Variants in DOK5 observed in about 807,000 individuals in gnomAD.
The protein encoded by DOK5 is downstream of tyrosine kinase 5.
A neutral mutation model predicts 43.3 loss-of-function variants in DOK5; 27 were observed. The ratio of observed to expected loss-of-function variants is 0.62; its 90% CI spans 0.46 to 0.86. The LOEUF is 0.86. DOK5 is among the 40% of genes least tolerant of loss of function. The probability of loss-of-function intolerance (pLI) is 0.00; values close to 1 mark genes in which losing one functional copy is unlikely to be tolerated. For missense variants in DOK5, 373 were observed against 392.9 expected, an observed-to-expected ratio of 0.95 and a Z score of 0.43; for synonymous variants, 146 against 140.1, an observed-to-expected ratio of 1.04 and a Z score of -0.30.
chr20:54,517,390 T>C (rs1983232923), intron 1 of DOK5, among the ~76,000 whole-genome samples: 1 of 152,196 alleles, frequency 6.6e-6, no homozygotes, highest in African/African-American at 2.4e-5. Flanking sequence ...GATAAAATTG[T>C]AGCCTAACCA....
At chr20:54,628,856 A>G (rs1568819121) in intron 6 of DOK5, among the ~76,000 whole-genome samples, 1 of 152,226 alleles carries the variant, frequency 6.6e-6, no homozygotes, top group Non-Finnish European at 1.5e-5. Context: ...GACTTGGTAA[A>G]TAGATTACAC....
chr20:54,516,361 G>T (rs1472585961), intron 1 of DOK5, among the ~76,000 whole-genome samples: 1 of 152,208 alleles, frequency 6.6e-6, no homozygotes, highest in South Asian at 2.1e-4. Context: ...TGAAATGATT[G>T]CCTCTTAGCA....
At chr20:54,536,407 T>C (rs1983964795) in intron 1 of DOK5, among the ~76,000 whole-genome samples, 1 of 152,212 alleles carries the variant, frequency 6.6e-6, no homozygotes, top group Non-Finnish European at 1.5e-5. Context: ...TAAAAGTATT[T>C]ACAGGCTTCC....
chr20:54,611,650 A>G (rs1188676108), intron 6 of DOK5, among the ~76,000 whole-genome samples: 1 of 152,222 alleles, frequency 6.6e-6, no homozygotes, highest in Non-Finnish European at 1.5e-5. Context: ...AAATGAATGC[A>G]CAACACTTAA....
At chr20:54,606,453 T>C (rs1201823962) in intron 5 of DOK5, among the ~76,000 whole-genome samples, 1 of 152,230 alleles carries the variant, frequency 6.6e-6, no homozygotes, top group Non-Finnish European at 1.5e-5. Context: ...GCTATTCTGC[T>C]AAAGGGTAAA....
chr20:54,514,304 G>A lies in DOK5; in HGVS notation c.66+38292G>A, dbSNP rs527866745. On this transcript the variant is annotated intron_variant, in intron 1 of 7. Transcript: ENST00000262593. ...ATCCTCCCAGCACTATATGTACTAA[G>A]CGTGAGAATTTGCCTTTTCCACTTG... 4.9e-4 allele frequency among the ~76,000 whole-genome samples: 75 copies of A among 152,252 alleles called. 2 individuals carry two copies. The South Asian group carries it at 0.014, about 28-fold the overall frequency.
At chr20:54,553,896 CAAAAA>C (rs761243905) in intron 1 of DOK5, among the ~76,000 whole-genome samples, 4 of 80,162 alleles carry the variant, frequency 5.0e-5, no homozygotes, top group Non-Finnish European at 8.4e-5. Context: ...GACTCTGTCT[CAAAAA>C]AAAAAAAAAA....
chr20:54,563,199 T>C (rs1046076127), intron 2 of DOK5, among the ~76,000 whole-genome samples: 1 of 152,176 alleles, frequency 6.6e-6, no homozygotes, highest in African/African-American at 2.4e-5. Context: ...GGCTCTGGCC[T>C]CCAGAACTGT....
chr20:54,608,536 A>G (rs1274254835), intron 5 of DOK5, among the ~76,000 whole-genome samples: 1 of 152,174 alleles, frequency 6.6e-6, no homozygotes, highest in Non-Finnish European at 1.5e-5. Context: ...AATGCCTTGA[A>G]TTTCAGTTTC....
At chr20:54,515,811 G>C (rs1047439838) in intron 1 of DOK5, among the ~76,000 whole-genome samples, 13 of 152,220 alleles carry the variant, frequency 8.5e-5, no homozygotes, top group Admixed American at 8.5e-4. Flanking sequence ...GGAGATGCTA[G>C]CTACCCAGAA....
At chr20:54,583,304 T>C (rs562992940) in intron 2 of DOK5, among the ~76,000 whole-genome samples, 1 of 152,324 alleles carries the variant, frequency 6.6e-6, no homozygotes, top group South Asian at 2.1e-4. Flanking sequence ...TGTCAAGACT[T>C]GTTTTGTTAC....
At chr20:54,479,054 A>G (rs1981555505) in intron 1 of DOK5, among the ~76,000 whole-genome samples, 1 of 152,112 alleles carries the variant, frequency 6.6e-6, no homozygotes, top group Admixed American at 6.5e-5. Context: ...ATATTGTATA[A>G]TATATAATAT....
In DOK5 at chr20:54,643,594, C is replaced by G. The variant is rs1252759499; in HGVS notation, c.856+16C>G. 6.2e-7 allele frequency: 1 copy of G among 1,609,644 alleles called. No homozygotes were observed. On this transcript the variant is annotated intron_variant, in intron 7 of 7. Coordinates refer to ENST00000262593, the MANE Select transcript of DOK5 (RefSeq NM_018431.5). ...CGCTTGCAAGGTAAGCGTGGGGCTACCTGTGTCCAGGGTGTGGGCCAGGCC... is the reference window on the plus strand; with the variant it reads ...CGCTTGCAAGGTAAGCGTGGGGCTAGCTGTGTCCAGGGTGTGGGCCAGGCC...
intron 5 of DOK5, among the ~76,000 whole-genome samples, chr20:54,598,666 G>A (rs975364109): frequency 2.0e-5 from 3 of 152,154 alleles, no homozygotes; most frequent in African/African-American, 2.4e-5. Flanking sequence ...AATAATTACC[G>A]CACATGAGTG....
At chr20:54,490,706 C>A (rs1982134379) in intron 1 of DOK5, among the ~76,000 whole-genome samples, 1 of 152,202 alleles carries the variant, frequency 6.6e-6, no homozygotes, top group African/African-American at 2.4e-5. Context: ...CTGCCTCAGC[C>A]TCCCGAGTAA....
At chr20:54,592,835 T>A (rs768903484) in intron 5 of DOK5, among the ~76,000 whole-genome samples, 8 of 152,200 alleles carry the variant, frequency 5.3e-5, no homozygotes, top group Non-Finnish European at 1.0e-4. Flanking sequence ...CCCGGCCAGA[T>A]AAATTTTCTA....
intron 2 of DOK5, among the ~76,000 whole-genome samples, chr20:54,584,376 AC>A (rs963634149): frequency 3.3e-5 from 5 of 151,534 alleles, no homozygotes; most frequent in African/African-American, 1.2e-4. Context: ...GGCTTATATA[AC>A]ACATTTTATA....
At chr20:54,552,228 C>CT (rs1332711597) in intron 1 of DOK5, among the ~76,000 whole-genome samples, 1 of 151,470 alleles carries the variant, frequency 6.6e-6, no homozygotes, top group Non-Finnish European at 1.5e-5. Context: ...TTTTTTTTGT[C>CT]TTTTTCCAAT....
intron 1 of DOK5, among the ~76,000 whole-genome samples, chr20:54,549,083 T>G (rs536805334): frequency 3.0e-4 from 46 of 152,354 alleles, no homozygotes; most frequent in African/African-American, 1.1e-3. Flanking sequence ...CGGGAAGCAC[T>G]TTTAGAAGTC....
Sources: allele counts gnomAD v4.1 joint callset (sites outside exome capture counted in the v4.1 genomes callset), GRCh38; gene constraint gnomAD v4.1.1; transcripts MANE v1.5; gene names NCBI Gene and HGNC (gene_info 2026-07-23, HGNC 2026-07-21).